SRP54: variants seen among roughly 807,000 people sequenced by gnomAD.
SRP54 encodes signal recognition particle subunit SRP54.
Under a neutral mutation model 64.8 loss-of-function variants are expected in SRP54, and 10 were observed. The observed-to-expected ratio is 0.15, with a 90% CI of 0.10 to 0.26. The LOEUF (loss-of-function observed/expected upper bound fraction) is 0.26. SRP54 is among the 10% of genes least tolerant of loss of function. SRP54 has a pLI of 1.00. For missense variants in SRP54, 325 were observed against 613.7 expected, an observed-to-expected ratio of 0.53 and a Z score of 4.97; for synonymous variants, 193 against 185.6, an observed-to-expected ratio of 1.04 and a Z score of -0.32.
chr14:34,991,270 C>G (rs929324543), intron 1 of SRP54, among the ~76,000 whole-genome samples: 8 of 151,754 alleles, frequency 5.3e-5, no homozygotes, highest in Non-Finnish European at 1.2e-4. Context: ...CCTGGGATTA[C>G]AGGCATCTGC....
At chr14:35,023,787 A>AACACACACACACACACAC (rs57037784) in intron 14 of SRP54, among the ~76,000 whole-genome samples, 87 of 140,368 alleles carry the variant, frequency 6.2e-4, no homozygotes, top group African/African-American at 2.1e-3. Context: ...CCGGTCCCCA[A>AACACACACACACACACAC]ACACACACAC....
intron 11 of SRP54, among the ~76,000 whole-genome samples, chr14:35,016,767 C>T (rs919088403): frequency 6.6e-6 from 1 of 151,584 alleles, no homozygotes; most frequent in Admixed American, 6.6e-5. Context: ...GTGTCTGGCA[C>T]ATAGTAGGCC....
chr14:35,012,781 CTATT>C (rs931068047), intron 8 of SRP54, among the ~76,000 whole-genome samples: 1 of 152,000 alleles, frequency 6.6e-6, no homozygotes, highest in Non-Finnish European at 1.5e-5. Context: ...AAATGTTTAT[CTATT>C]TATTATATAT....
rs184128813 is a variant in SRP54 at position 34,995,566 on chromosome 14, T to G, written c.-33-1111T>G. Reference sequence around the variant, plus strand: ...GGCAGGGACTACAAATCATATTTGCTTGTTTATCATCCATAAGCCCTTGCA... The same window carrying G: ...GGCAGGGACTACAAATCATATTTGCGTGTTTATCATCCATAAGCCCTTGCA... On this transcript the variant is annotated intron_variant, in intron 1 of 15. Transcript: ENST00000216774. 3.0e-3 allele frequency among the ~76,000 whole-genome samples: 456 copies of G among 152,224 alleles called. 3 individuals carry two copies. The highest frequency in any genetic ancestry group is 0.011 in the African/African-American group (440 of 41,488).
At position 35,020,231 on chromosome 14, in the gene SRP54, G is replaced by A. The variant is rs2044505962; in HGVS notation, c.1156+1157G>A. Among the ~76,000 whole-genome samples, 3 of 152,092 alleles carry A rather than the reference G, an allele frequency of 2.0e-5. No individual in the cohort carries two copies. In the South Asian group the frequency reaches 6.2e-4, roughly 32 times the overall value. ...ATAGTTTATTGCTAAAAATGCTAAT[G>A]ATCATCTAAGCCTTCAGTGCATTAT... On this transcript the variant is annotated intron_variant, in intron 13 of 15. Coordinates refer to ENST00000216774, the MANE Select transcript of SRP54 (RefSeq NM_003136.4).
intron 4 of SRP54, among the ~76,000 whole-genome samples, chr14:35,002,408 A>T (rs2044188794): frequency 6.6e-6 from 1 of 151,644 alleles, no homozygotes. Context: ...CACTAGTTCT[A>T]CAATCATTTT....
At chr14:34,990,959 A>G (rs1221833101) in intron 1 of SRP54, among the ~76,000 whole-genome samples, 2 of 152,082 alleles carry the variant, frequency 1.3e-5, no homozygotes, top group Non-Finnish European at 2.9e-5. Context: ...CTTTTTCCCT[A>G]AGGCCTTAAA....
intron 3 of SRP54, 40 bp downstream of exon 3, chr14:34,999,689 G>A (rs2044139960): frequency 7.0e-7 from 1 of 1,423,214 alleles, no homozygotes; most frequent in Non-Finnish European, 9.9e-7. Flanking sequence ...GCACAGTTTA[G>A]TTTAGTTTAC....
At position 35,005,481 on chromosome 14, in the gene SRP54, C is replaced by G. The variant is rs550243681; in HGVS notation, c.256-1802C>G. On this transcript the variant is annotated intron_variant, in intron 4 of 15. Transcript: ENST00000216774. The stretch of plus-strand genomic sequence containing the variant: ...GCCTGATGATAGCTCATTGCAGTCT[C>G]AAACTCCTGGGCTCAAGCAATCTTA... Among the ~76,000 whole-genome samples the G allele has an allele frequency of 2.6e-5, 4 of 152,292 alleles. No homozygotes were observed. In the East Asian group the frequency reaches 7.7e-4, roughly 29 times the overall value.
At chr14:35,026,908 A>C (rs1182296734) in intron 14 of SRP54, among the ~76,000 whole-genome samples, 1 of 152,010 alleles carries the variant, frequency 6.6e-6, no homozygotes, top group East Asian at 1.9e-4. Flanking sequence ...GTGCCATTGC[A>C]CTCCAGCCTG....
intron 14 of SRP54, among the ~76,000 whole-genome samples, chr14:35,026,486 C>T (rs554382583): frequency 1.4e-3 from 209 of 152,090 alleles, no homozygotes; most frequent in Middle Eastern, 0.014. Flanking sequence ...AGCCTACCTT[C>T]GCCACCTGAA....
At chr14:34,995,132 A>AGG (rs1491200870) in intron 1 of SRP54, among the ~76,000 whole-genome samples, 2 of 57,376 alleles carry the variant, frequency 3.5e-5, no homozygotes, top group Admixed American at 2.2e-4. Flanking sequence ...GAATCAATAA[A>AGG]GGGTGTGTGT....
chr14:34,999,427 C>A lies in SRP54; in HGVS notation c.79-131C>A. ...TAAACATTTAATAAAATTATCTCTC[C>A]AAGAACTAACTGAAAAACCCAGTAG... On this transcript the variant is annotated intron_variant, in intron 2 of 15. Transcript: ENST00000216774. 4 of 595,080 alleles carry A rather than the reference C, an allele frequency of 6.7e-6. No homozygotes were observed. In the Admixed American group the frequency reaches 8.8e-5, roughly 13 times the overall value. 36.9% of individuals were successfully genotyped at this position (595,080 alleles called of 1,614,324 possible).
intron 2 of SRP54, 56 bp downstream of exon 2, chr14:34,996,843 A>G: frequency 8.2e-7 from 1 of 1,217,244 alleles, no homozygotes. Context: ...TAGCATTGGG[A>G]AGATGGCTTA....
chr14:35,004,753 C>T (rs1458327055), intron 4 of SRP54: 1 of 152,118 alleles, frequency 6.6e-6, no homozygotes, highest in Non-Finnish European at 1.5e-5. Flanking sequence ...GAATGTGGAG[C>T]AGCATCAGTG....
intron 1 of SRP54, among the ~76,000 whole-genome samples, chr14:34,989,108 A>T (rs2043947375): frequency 6.6e-6 from 1 of 152,178 alleles, no homozygotes; most frequent in Non-Finnish European, 1.5e-5. Context: ...GAAGCCCCAG[A>T]TACAGAAGGC....
chr14:35,024,801 A>C (rs922271592), intron 14 of SRP54, among the ~76,000 whole-genome samples: 1 of 151,892 alleles, frequency 6.6e-6, no homozygotes, highest in Admixed American at 6.6e-5. Flanking sequence ...ATCTCAGCTC[A>C]CTGCAACCTC....
intron 1 of SRP54, 85 bp from the exon 2 acceptor site, chr14:34,996,592 T>G: frequency 1.4e-6 from 1 of 732,764 alleles, no homozygotes; most frequent in Non-Finnish European, 2.5e-6. Context: ...AACACTAGAG[T>G]AATTTGAACT....
At position 35,000,882 on chromosome 14, in the gene SRP54, G is replaced by A; in HGVS notation, c.171-54G>A. 3.1e-6 allele frequency: 3 copies of A among 962,788 alleles called. No individual in the cohort carries two copies. In the South Asian group the frequency reaches 5.6e-5, roughly 18 times the overall value. 59.6% of individuals were successfully genotyped at this position (962,788 alleles called of 1,614,324 possible). ...GGAGCAGAAGCTTCTTTTTCTTAGA[G>A]TTTCTTAACTGATTTTCTCCTCCCC... is the stretch of plus-strand genomic sequence containing the variant. On this transcript the variant is annotated intron_variant, in intron 3 of 15. Coordinates refer to ENST00000216774, the MANE Select transcript of SRP54 (RefSeq NM_003136.4).
Sources: gnomAD v4.1 joint callset for allele counts (sites outside exome capture counted in the v4.1 genomes callset) on GRCh38, gnomAD v4.1.1 for gene constraint, MANE v1.5 for transcripts, NCBI Gene and HGNC (gene_info 2026-07-23, HGNC 2026-07-21) for gene names.